Variants in SP140 observed in about 807,000 individuals in gnomAD.
SP140 encodes the protein nuclear body protein SP140.
SP140 carries 81 observed loss-of-function variants against 125.0 expected under a neutral mutation model. That is an observed-to-expected ratio of 0.65 (90% CI 0.54 to 0.78). The LOEUF is 0.78. SP140 is among the 30% of genes least tolerant of loss of function. The probability of loss-of-function intolerance (pLI) is 0.00; values close to 1 mark genes in which losing one functional copy is unlikely to be tolerated. For missense variants in SP140, 858 were observed against 1,037.0 expected (o/e 0.83, Z 2.37); for synonymous variants, 312 against 354.0 (o/e 0.88, Z 1.33).
rs749413072 is a variant in SP140 at position 230,297,436 on chromosome 2, C to G, written c.2032C>G (p.Gln678Glu). The G allele has an allele frequency of 6.2e-7, 1 of 1,613,886 alleles. No homozygotes were observed. The highest frequency in any genetic ancestry group is 1.1e-5 in the South Asian group (1 of 91,060). The stretch of plus-strand genomic sequence containing the variant: ...TTTTCAACAGAGAATACTGAAGTCT[C>G]AAAACAATAGCTCAGTTGACCCTTG... ...YRKKKRILKS[Q>E]NNSSVDPCMR... Residue 678 changes from glutamine (Q) to glutamate (E), a missense_variant, in exon 22 of 27, where the codon CAA becomes GAA. Gln to Glu is a conservative substitution (Grantham distance 29). This residue lies in a region of SP140 where 791 missense variants were observed against 869.5 expected (regional missense o/e 0.91). Transcript: ENST00000392045.
chr2:230,253,364 C>T lies in SP140; in HGVS notation c.1106C>T (p.Thr369Ile), dbSNP rs1427050053. The T allele has an allele frequency of 6.2e-7, 1 of 1,612,446 alleles. No individual in the cohort carries two copies. Among genetic ancestry groups the T allele is most frequent in the African/African-American group, 1.3e-5 (1 of 74,940 alleles). The change falls in exon 11 of 27, where the codon ACT becomes ATT. Residue 369 changes from threonine to isoleucine, a missense_variant. Transcript: ENST00000392045. ...ETFDLKTPQV[T>I]NEGEPEKELS... ...TTTGATCTAAAGACTCCCCAAGTCA[C>T]TAATGAAGGAGAACCAGAGAAGGAG... is the stretch of plus-strand genomic sequence containing the variant.
At chr2:230,296,897 C>T (rs775735090) in intron 21 of SP140, among the ~76,000 whole-genome samples, 6 of 152,124 alleles carry the variant, frequency 3.9e-5, no homozygotes, top group Non-Finnish European at 7.3e-5. Flanking sequence ...TTGGGATTAA[C>T]GGTAGTACTT....
chr2:230,290,442 AG>A lies in SP140; in HGVS notation c.1721-17del, dbSNP rs758069609. On this transcript the variant is annotated splice_polypyrimidine_tract_variant and intron_variant, in intron 18 of 26. Coordinates refer to ENST00000392045, the MANE Select transcript of SP140 (RefSeq NM_007237.5). ...GCCTTTGCAAAGTGAGACAGAATGA[AG>A]AAATCCTCTCTTTCAGCTTCAAGAA... The A allele has an allele frequency of 2.4e-5, 38 of 1,611,388 alleles. No homozygotes were observed. Among genetic ancestry groups the A allele is most frequent in the Non-Finnish European group, 2.9e-5 (34 of 1,177,858 alleles).
At chr2:230,238,449 C>G in intron 3 of SP140, 68 bp downstream of exon 3, 1 of 1,425,666 alleles carries the variant, frequency 7.0e-7, no homozygotes, top group Non-Finnish European at 9.7e-7. Context: ...TTCATTCACT[C>G]TTCATTCATA....
At position 230,244,884 on chromosome 2, in the gene SP140, A is replaced by G. The variant is rs913449867; in HGVS notation, c.572-104A>G. On this transcript the variant is annotated intron_variant, in intron 5 of 26. Transcript: ENST00000392045. Reference sequence around the variant, plus strand: ...GCTCAGGCGAGGTCCTTGGAGCAATAGTGTTTTTTTGCAAGGAGAAGCTCA... The same window carrying G: ...GCTCAGGCGAGGTCCTTGGAGCAATGGTGTTTTTTTGCAAGGAGAAGCTCA... 47 of 752,860 alleles carry G rather than the reference A, an allele frequency of 6.2e-5. No individual in the cohort carries two copies. The African/African-American group carries it at 7.5e-4, about 12-fold the overall frequency. The allele number at this position is 752,860 out of a possible 1,614,324, so 46.6% of individuals were successfully genotyped here. A position where few individuals can be genotyped will look rare whatever the true frequency, so the allele number is the denominator to read the frequency against.
At chr2:230,307,562 G>A (rs775838254) in intron 22 of SP140, among the ~76,000 whole-genome samples, 12 of 152,340 alleles carry the variant, frequency 7.9e-5, no homozygotes, top group Non-Finnish European at 1.6e-4. Context: ...GAAGCTGTTT[G>A]CAGTGTGCCT....
At chr2:230,197,480 C>T in the SP140 span, among the ~76,000 whole-genome samples, 68 of 148,676 alleles carry the variant, frequency 4.6e-4, 1 homozygote, top group Non-Finnish European at 4.8e-4. Flanking sequence ...AAATTTTCTC[C>T]CATTTTGTAG....
intron 15 of SP140, among the ~76,000 whole-genome samples, chr2:230,272,587 C>T (rs1211033236): frequency 6.6e-6 from 1 of 152,174 alleles, no homozygotes; most frequent in African/African-American, 2.4e-5. Context: ...TCCTTGTCTT[C>T]CACCATGATT....
At chr2:230,230,185 A>G (rs1212000466) in intron 1 of SP140, among the ~76,000 whole-genome samples, 1 of 152,172 alleles carries the variant, frequency 6.6e-6, no homozygotes, top group East Asian at 1.9e-4. Context: ...AAGGATAGTT[A>G]GGCAGACAGG....
At chr2:230,221,563 A>G (rs1401753806), upstream of SP140, 2 of 845,476 alleles carry the variant, frequency 2.4e-6, no homozygotes, top group Non-Finnish European at 3.8e-6. Context: ...TGGAAGCCAC[A>G]GCCAGGAAAA....
rs749840512 is a variant in SP140, at chr2:230,269,803, C to G, written c.1328-34C>G. 4 of 1,534,510 alleles carry G rather than the reference C, an allele frequency of 2.6e-6. No individual in the cohort carries two copies. In the South Asian group the frequency reaches 4.5e-5, roughly 17 times the overall value. ...CAGAAAATAGAGTCACTGGGTCAAA[C>G]TGAAAGTCTTCATGAATCACAATTT... On this transcript the variant is annotated intron_variant, in intron 13 of 26. Transcript: ENST00000392045.
intron 1 of SP140, among the ~76,000 whole-genome samples, chr2:230,226,337 G>T (rs945620244): frequency 6.6e-6 from 1 of 152,160 alleles, no homozygotes; most frequent in African/African-American, 2.4e-5. Context: ...TGTAGTTGGG[G>T]ACCGGTTCTG....
At chr2:230,302,023 A>T (rs948534570) in intron 22 of SP140, among the ~76,000 whole-genome samples, 1 of 152,228 alleles carries the variant, frequency 6.6e-6, no homozygotes, top group South Asian at 2.1e-4. Context: ...AACAACAGTT[A>T]AAAAAGACAA....
intron 12 of SP140, among the ~76,000 whole-genome samples, chr2:230,259,267 A>G (rs2051777913): frequency 6.6e-6 from 1 of 152,132 alleles, no homozygotes; most frequent in Non-Finnish European, 1.5e-5. Flanking sequence ...CTTCCCTCCA[A>G]GTCCCCAAAG....
At chr2:230,220,186 G>T in intron 3 of SP140, 1 of 520,694 alleles carries the variant, frequency 1.9e-6, no homozygotes, top group Non-Finnish European at 2.5e-6. Flanking sequence ...AGCCCAGAGA[G>T]GGAGGTATGG....
At chr2:230,250,945 T>A in intron 9 of SP140, 36 bp from the exon 10 acceptor site, 1 of 1,609,976 alleles carries the variant, frequency 6.2e-7, no homozygotes, top group East Asian at 2.2e-5. Flanking sequence ...AGTTTTCTCT[T>A]CATAATTTCT....
chr2:230,198,116 G>A (rs1345869814), upstream of SP140, among the ~76,000 whole-genome samples: 2 of 152,220 alleles, frequency 1.3e-5, no homozygotes, highest in African/African-American at 4.8e-5. Context: ...AGGACCCTCT[G>A]TAGGACTGGA....
chr2:230,202,882 T>C, upstream of SP140: 1 of 729,412 alleles, frequency 1.4e-6, no homozygotes, highest in Non-Finnish European at 2.4e-6. Flanking sequence ...TACTTCTCTA[T>C]AATTATATCC....
chr2:230,301,219 C>T (rs1344819969), intron 22 of SP140, among the ~76,000 whole-genome samples: 5 of 152,148 alleles, frequency 3.3e-5, no homozygotes, highest in South Asian at 2.1e-4. Flanking sequence ...AAAACATATT[C>T]GCGGGAATAA....
Sources: gnomAD v4.1 joint callset for allele counts (sites outside exome capture counted in the v4.1 genomes callset) on GRCh38, gnomAD v4.1.1 for gene constraint, gnomAD v4.1.1 regional missense constraint, MANE v1.5 for transcripts, NCBI Gene and HGNC (gene_info 2026-07-23, HGNC 2026-07-21) for gene names.